The following RNF11 variants were observed in gnomAD, a reference collection of about 807,000 sequenced individuals.
The protein encoded by RNF11 is ring finger protein 11.
In RNF11, 4 loss-of-function variants were observed where a neutral mutation model predicts 15.8. The ratio of observed to expected loss-of-function variants is 0.25; its 90% CI spans 0.12 to 0.58. The LOEUF (loss-of-function observed/expected upper bound fraction) is 0.58. Ranked by LOEUF, RNF11 falls within the 20% of genes least tolerant of loss-of-function variation. The pLI, the probability that RNF11 is intolerant of heterozygous loss-of-function variation, is 0.91. For missense variants in RNF11, 139 were observed against 194.4 expected (o/e 0.71, Z 1.70); for synonymous variants, 68 against 72.3 (o/e 0.94, Z 0.30).
At chr1:51,253,024 C>G (rs1188753979) in intron 1 of RNF11, among the ~76,000 whole-genome samples, 2 of 151,910 alleles carry the variant, frequency 1.3e-5, no homozygotes, top group Non-Finnish European at 2.9e-5. Flanking sequence ...TGGGGTTTCA[C>G]CATGTCAGCC....
intron 1 of RNF11, among the ~76,000 whole-genome samples, chr1:51,253,639 C>A (rs1166308990): frequency 6.6e-6 from 1 of 151,776 alleles, no homozygotes; most frequent in Non-Finnish European, 1.5e-5. Flanking sequence ...TTCTCTGTAC[C>A]CGCGTTCTAG....
intron 1 of RNF11, among the ~76,000 whole-genome samples, chr1:51,248,515 A>G (rs532298509): frequency 1.1e-4 from 16 of 152,236 alleles, no homozygotes; most frequent in African/African-American, 2.9e-4. Flanking sequence ...AGTTTCTTCT[A>G]TCAGTTAGCA....
Position 51,249,909 on chromosome 1 carries a change from A to G in RNF11, c.123+13030A>G, listed in dbSNP as rs1646868878. ...AACAAGAGTTGACAGAATTGTTTGA[A>G]TACCCATATTCATTCCTACCACCTA... On this transcript the variant is annotated intron_variant, in intron 1 of 2. Coordinates refer to ENST00000242719, the MANE Select transcript of RNF11 (RefSeq NM_014372.5). Among the ~76,000 whole-genome samples the G allele has an allele frequency of 2.6e-5, 4 of 152,334 alleles. No homozygotes were observed. In the South Asian group the frequency reaches 8.3e-4, roughly 32 times the overall value.
chr1:51,270,262 A>T (rs1433899407), intron 2 of RNF11, 137 bp downstream of exon 2: 3 of 646,936 alleles, frequency 4.6e-6, no homozygotes, highest in Non-Finnish European at 7.9e-6. Flanking sequence ...AGAATGTTTA[A>T]TTTTTTTTCA....
At chr1:51,270,147 C>T (rs1569688938) in intron 2 of RNF11, 22 bp downstream of exon 2, 1 of 1,568,120 alleles carries the variant, frequency 6.4e-7, no homozygotes, top group Non-Finnish European at 8.6e-7. Flanking sequence ...TTAATTTGTA[C>T]ATTTCAAAGT....
At chr1:51,248,205 C>CTTTT (rs71063020) in intron 1 of RNF11, among the ~76,000 whole-genome samples, 14 of 113,328 alleles carry the variant, frequency 1.2e-4, no homozygotes, top group African/African-American at 2.9e-4. Context: ...TTTTCTTTTT[C>CTTTT]TTTTTTTTTT....
At chr1:51,249,664 C>T (rs1646868083) in intron 1 of RNF11, among the ~76,000 whole-genome samples, 1 of 152,158 alleles carries the variant, frequency 6.6e-6, no homozygotes, top group African/African-American at 2.4e-5. Context: ...CATTGCTATG[C>T]AGTATTCAAA....
chr1:51,248,281 C>T (rs1646861806), intron 1 of RNF11, among the ~76,000 whole-genome samples: 1 of 150,964 alleles, frequency 6.6e-6, no homozygotes, highest in Non-Finnish European at 1.5e-5. Context: ...GATCTTGGCT[C>T]ATTGCAACCT....
intron 1 of RNF11, among the ~76,000 whole-genome samples, chr1:51,239,492 C>A (rs1235148009): frequency 1.3e-5 from 2 of 152,072 alleles, no homozygotes; most frequent in Admixed American, 6.6e-5. Flanking sequence ...TTGTCCCCCA[C>A]CCCCAAAGAA....
chr1:51,271,077 ATGGG>A, intron 2 of RNF11, 70 bp from the exon 3 acceptor site: 1 of 1,237,932 alleles, frequency 8.1e-7, no homozygotes, highest in Non-Finnish European at 1.2e-6. Flanking sequence ...ACTGTCTTTA[ATGGG>A]ATTTAAAGAG....
chr1:51,259,335 G>A (rs979247636), intron 1 of RNF11, among the ~76,000 whole-genome samples: 12 of 152,096 alleles, frequency 7.9e-5, no homozygotes, highest in African/African-American at 2.7e-4. Context: ...ACCTCAGTTA[G>A]GTCCTTAATT....
intron 1 of RNF11, among the ~76,000 whole-genome samples, chr1:51,257,407 C>T (rs1646908622): frequency 6.6e-6 from 1 of 152,052 alleles, no homozygotes; most frequent in Non-Finnish European, 1.5e-5. Flanking sequence ...CCAATTGGGT[C>T]CACTTGGAGT....
intron 1 of RNF11, among the ~76,000 whole-genome samples, chr1:51,237,087 C>T (rs1209811185): frequency 1.3e-5 from 2 of 152,196 alleles, no homozygotes; most frequent in East Asian, 1.9e-4. Flanking sequence ...GGGGATGATA[C>T]CCTCTGCCCT....
Position 51,251,496 on chromosome 1 carries a change from G to C in RNF11, c.123+14617G>C, listed in dbSNP as rs1569664637. On this transcript the variant is annotated intron_variant, in intron 1 of 2. Coordinates refer to ENST00000242719, the MANE Select transcript of RNF11 (RefSeq NM_014372.5). Reference sequence around the variant, plus strand: ...ATTTGGTGTTTTCTCGGAGAAGAAAGGATTTGTGACAATTTGAATAAACTT... The same window carrying C: ...ATTTGGTGTTTTCTCGGAGAAGAAACGATTTGTGACAATTTGAATAAACTT... The C allele has an allele frequency of 1.0e-5, 6 of 599,432 alleles. No homozygotes were observed. The East Asian group carries it at 1.7e-4, about 17-fold the overall frequency. The allele number at this position is 599,432 out of a possible 1,614,324, so 37.1% of individuals were successfully genotyped here.
In RNF11 at chr1:51,271,214, C is replaced by T; in HGVS notation, c.357C>T (p.His119=). 1 of 1,614,014 alleles carries T rather than the reference C, an allele frequency of 6.2e-7. No individual in the cohort carries two copies. Among genetic ancestry groups the T allele is most frequent in the Non-Finnish European group, 8.5e-7 (1 of 1,179,878 alleles). ...GDPIRFLPCM[H]IYHLDCIDDW... is the part of the protein sequence containing the mutation. ...CAATTCGATTTCTGCCGTGCATGCACATCTATCACCTGGACTGTATAGATG... is the reference window on the plus strand; with the variant it reads ...CAATTCGATTTCTGCCGTGCATGCATATCTATCACCTGGACTGTATAGATG... The change falls in exon 3 of 3, where the codon CAC becomes CAT. Residue 119 remains histidine, a synonymous_variant. Transcript: ENST00000242719.
chr1:51,260,083 GC>G lies in RNF11; in HGVS notation c.124-9870del, dbSNP rs1646923677. Among the ~76,000 whole-genome samples, 8 of 152,082 alleles carry G rather than the reference GC, an allele frequency of 5.3e-5. No homozygotes were observed. In the South Asian group the frequency reaches 1.7e-3, roughly 31 times the overall value. On this transcript the variant is annotated intron_variant, in intron 1 of 2. Coordinates refer to ENST00000242719, the MANE Select transcript of RNF11 (RefSeq NM_014372.5). ...TTGTAAGTTTAGTTAATTGGCTGAGGCCCATTGTTGATCTGTTAATTTTTTT... is the reference window on the plus strand; with the variant it reads ...TTGTAAGTTTAGTTAATTGGCTGAGGCCATTGTTGATCTGTTAATTTTTTT...
rs960105790 is a variant in RNF11 at position 51,272,918 on chromosome 1, A to C, written c.*1596A>C. 1 of 152,174 alleles carries C rather than the reference A, an allele frequency of 6.6e-6. No homozygotes were observed. Among genetic ancestry groups the C allele is most frequent in the Non-Finnish European group, 1.5e-5 (1 of 67,996 alleles). 9.4% of individuals were successfully genotyped at this position (152,174 alleles called of 1,614,324 possible). Reference sequence around the variant, plus strand: ...AGTACTTTGTAAAGATTTGACATTCAACTGTAGTATCCATATGTTGCTTAA... The same window carrying C: ...AGTACTTTGTAAAGATTTGACATTCCACTGTAGTATCCATATGTTGCTTAA... On this transcript the variant is annotated 3_prime_UTR_variant, in exon 3 of 3. Coordinates refer to ENST00000242719, the MANE Select transcript of RNF11 (RefSeq NM_014372.5).
rs529000954 is a variant in RNF11, at chr1:51,250,768, T to G, written c.123+13889T>G. On this transcript the variant is annotated intron_variant, in intron 1 of 2. Transcript: ENST00000242719. The stretch of plus-strand genomic sequence containing the variant: ...TTAGAAATGGCATCAAAGGTGGCCT[T>G]GGCGAAGTTGCCCAGGGTGGCAGTG... 11 of 1,408,478 alleles carry G rather than the reference T, an allele frequency of 7.8e-6. No homozygotes were observed. In the South Asian group the frequency reaches 1.3e-4, roughly 16 times the overall value. 87.2% of individuals were successfully genotyped at this position (1,408,478 alleles called of 1,614,324 possible).
chr1:51,251,096 A>G, intron 1 of RNF11: 5 of 1,553,518 alleles, frequency 3.2e-6, no homozygotes, highest in South Asian at 1.1e-5. Context: ...CCCCGATAGC[A>G]ACAAACGCCT....
Sources: allele counts gnomAD v4.1 joint callset (sites outside exome capture counted in the v4.1 genomes callset), GRCh38; gene constraint gnomAD v4.1.1; transcripts MANE v1.5; gene names NCBI Gene and HGNC (gene_info 2026-07-23, HGNC 2026-07-21).